IL20: variants seen among roughly 807,000 people sequenced by gnomAD.
IL20 encodes the protein interleukin-20.
Under a neutral mutation model 19.2 loss-of-function variants are expected in IL20, and 22 were observed. The ratio of observed to expected loss-of-function variants is 1.15; its 90% CI spans 0.82 to 1.64. IL20 has a LOEUF of 1.64. Ranked by LOEUF, IL20 falls within the 40% of genes most tolerant of loss-of-function variation. The pLI, the probability that IL20 is intolerant of heterozygous loss-of-function variation, is 0.00. For missense variants in IL20, 215 were observed against 212.8 expected (o/e 1.01, Z -0.06); for synonymous variants, 70 against 76.2 (o/e 0.92, Z 0.43).
chr1:206,867,511 CAT>C, intron 5 of IL20, 53 bp downstream of exon 5: 1 of 1,409,302 alleles, frequency 7.1e-7, no homozygotes, highest in Non-Finnish European at 1.0e-6. Context: ...GAACTGAGAT[CAT>C]AGGTAGGTGG....
intron 4 of IL20, among the ~76,000 whole-genome samples, 200 bp from the exon 5 acceptor site, chr1:206,867,182 CAT>C (rs1472302746): frequency 6.6e-6 from 1 of 152,032 alleles, no homozygotes; most frequent in East Asian, 1.9e-4. Flanking sequence ...TGATGAGTTC[CAT>C]GTTTGAGCCT....
chr1:206,866,535 A>G lies in IL20; in HGVS notation c.277A>G (p.Arg93Gly). Reference sequence around the variant, plus strand: ...CCATTTGCTAAGACTCTATCTGGACAGGGTATTTAAAAACTACCAGACCCC... The same window carrying G: ...CCATTTGCTAAGACTCTATCTGGACGGGGTATTTAAAAACTACCAGACCCC... The part of the protein sequence containing the change: ...LRHLLRLYLD[R>G]VFKNYQTPDH... Residue 93 changes from arginine to glycine, a missense_variant, in exon 4 of 6, where the codon AGG (arginine) becomes GGG (glycine). Transcript: ENST00000367098. 1 of 1,614,150 alleles carries G rather than the reference A, an allele frequency of 6.2e-7. No individual in the cohort carries two copies. Among genetic ancestry groups the G allele is most frequent in the Non-Finnish European group, 8.5e-7 (1 of 1,179,980 alleles).
At chr1:206,867,669 G>A (rs983234578) in intron 5 of IL20, among the ~76,000 whole-genome samples, 3 of 152,174 alleles carry the variant, frequency 2.0e-5, no homozygotes, top group Non-Finnish European at 4.4e-5. Context: ...GAAATGGAAA[G>A]GGAATGGCCA....
chr1:206,864,093 G>C (rs554665740), upstream of IL20, among the ~76,000 whole-genome samples: 2 of 152,010 alleles, frequency 1.3e-5, no homozygotes, highest in African/African-American at 2.4e-5. Flanking sequence ...TGAAATTTTC[G>C]TATTTCAGGA....
chr1:206,864,874 A>G (rs1558630790), upstream of IL20, among the ~76,000 whole-genome samples: 3 of 152,192 alleles, frequency 2.0e-5, no homozygotes, highest in Non-Finnish European at 4.4e-5. Context: ...ACCTAAAATG[A>G]GTGCCTCAAT....
chr1:206,868,388 T>C (rs1677619601), intron 5 of IL20, 99 bp from the exon 6 acceptor site: 7 of 619,460 alleles, frequency 1.1e-5, no homozygotes. Flanking sequence ...AAGAATGCTC[T>C]GCTTACAATT....
Position 206,868,503 on chromosome 1 carries a change from C to T in IL20, c.470C>T (p.Ala157Val), listed in dbSNP as rs768502970. 6.3e-7 allele frequency: 1 copy of T among 1,593,950 alleles called. No individual in the cohort carries two copies. The highest frequency in any genetic ancestry group is 8.5e-7 in the Non-Finnish European group (1 of 1,169,938). ...SHFEKLEPQAAVVKALGELDI... is the reference protein window; with the variant it reads ...SHFEKLEPQAVVVKALGELDI... ...CTCTTTCAGCTGGAACCTCAGGCAGCAGTTGTGAAGGCTTTGGGGGAACTA... is the reference window on the plus strand; with the variant it reads ...CTCTTTCAGCTGGAACCTCAGGCAGTAGTTGTGAAGGCTTTGGGGGAACTA... The change falls in exon 6 of 6, where the codon GCA becomes GTA. Residue 157 changes from alanine (A) to valine (V), a missense_variant. By Grantham distance (64) the Ala-to-Val change is moderately conservative. Coordinates refer to ENST00000367098, the MANE Select transcript of IL20 (RefSeq NM_018724.4).
At chr1:206,864,716 A>G (rs1208918128), upstream of IL20, among the ~76,000 whole-genome samples, 2 of 152,182 alleles carry the variant, frequency 1.3e-5, no homozygotes, top group Non-Finnish European at 2.9e-5. Context: ...TTTTGCTTCA[A>G]TATGGCTCAG....
chr1:206,868,523 G>T lies in IL20; in HGVS notation c.490G>T (p.Glu164Ter). Residue 164 changes from glutamate to a stop codon, truncating the protein, a stop_gained, in exon 6 of 6, where the codon GAA becomes TAA. Coordinates refer to ENST00000367098, the MANE Select transcript of IL20 (RefSeq NM_018724.4). LOFTEE classifies it high-confidence loss of function. ...PQAAVVKALG[E>*]LDILLQWMEE... ...GGCAGCAGTTGTGAAGGCTTTGGGG[G>T]AACTAGACATTCTTCTGCAATGGAT... is the stretch of plus-strand genomic sequence containing the variant. 6.2e-7 allele frequency: 1 copy of T among 1,603,542 alleles called. No homozygotes were observed. The highest frequency in any genetic ancestry group is 1.3e-5 in the African/African-American group (1 of 74,378).
At chr1:206,866,168 A>C in intron 2 of IL20, 131 bp from the exon 3 acceptor site, 1 of 1,167,586 alleles carries the variant, frequency 8.6e-7, no homozygotes, top group Middle Eastern at 2.1e-4. Flanking sequence ...TGTAGTTCAA[A>C]TATTTAAAAT....
rs780013941 is a variant in IL20, at chr1:206,867,407, T to G, written c.402T>G (p.Cys134Trp). ...RLCHAHMTCHCGEEAMKKYSQ... is the reference protein window; with the variant it reads ...RLCHAHMTCHWGEEAMKKYSQ... The stretch of plus-strand genomic sequence containing the variant: ...AGCATGCCCACATGACATGCCATTG[T>G]GGGGAGGAAGCAATGAAGAAATACA... Residue 134 changes from cysteine (C) to tryptophan (W), a missense_variant, in exon 5 of 6, where the codon TGT becomes TGG. Coordinates refer to ENST00000367098, the MANE Select transcript of IL20 (RefSeq NM_018724.4). 6.2e-7 allele frequency: 1 copy of G among 1,613,794 alleles called. No individual in the cohort carries two copies. The highest frequency in any genetic ancestry group is 1.7e-5 in the Admixed American group (1 of 60,016).
chr1:206,866,022 G>C lies in IL20; in HGVS notation c.159+11G>C, dbSNP rs1479669961. On this transcript the variant is annotated intron_variant, in intron 2 of 5. Transcript: ENST00000367098. ...ATACGGGGCAGTGTGGTACGTAAGC[G>C]GGTATCTACCTCTCCTGAAAGCCTT... The C allele has an allele frequency of 5.0e-6, 8 of 1,612,068 alleles. No individual in the cohort carries two copies. In the East Asian group the frequency reaches 1.1e-4, roughly 22 times the overall value.
In IL20 at chr1:206,868,627, A is replaced by C; in HGVS notation, c.*63A>C. Reference sequence around the variant, plus strand: ...AAGAGCTCCAGTCTTCAATACCTGCAGAGGAGGCATGACCCCAAACCACCA... The same window carrying C: ...AAGAGCTCCAGTCTTCAATACCTGCCGAGGAGGCATGACCCCAAACCACCA... On this transcript the variant is annotated 3_prime_UTR_variant, in exon 6 of 6. Coordinates refer to ENST00000367098, the MANE Select transcript of IL20 (RefSeq NM_018724.4). The C allele has an allele frequency of 7.9e-7, 1 of 1,269,972 alleles. No homozygotes were observed. Among genetic ancestry groups the C allele is most frequent in the Non-Finnish European group, 1.1e-6 (1 of 918,076 alleles). The allele number at this position is 1,269,972 out of a possible 1,614,324, so 78.7% of individuals were successfully genotyped here. A position where few individuals can be genotyped will look rare whatever the true frequency, so the allele number is the denominator to read the frequency against.
upstream of IL20, chr1:206,865,594 A>G (rs866726845): frequency 1.8e-5 from 23 of 1,274,908 alleles, no homozygotes; most frequent in Middle Eastern, 3.4e-3. The surrounding 1 kb of genome is among the most constrained non-coding windows in gnomAD (Gnocchi z 4.1). Flanking sequence ...GGGACAGAAT[A>G]AAGGAGCCAC....
At chr1:206,866,415 TC>T (rs1677546518) in intron 3 of IL20, 51 bp downstream of exon 3, 1 of 1,612,272 alleles carries the variant, frequency 6.2e-7, no homozygotes, top group Admixed American at 1.7e-5. Flanking sequence ...AGTGGGAGCA[TC>T]TCCATCACCC....
rs377124564 is a variant in IL20 at position 206,868,620 on chromosome 1, T to C, written c.*56T>C. On this transcript the variant is annotated 3_prime_UTR_variant, in exon 6 of 6. Transcript: ENST00000367098. The stretch of plus-strand genomic sequence containing the variant: ...CGAGGTCAAGAGCTCCAGTCTTCAA[T>C]ACCTGCAGAGGAGGCATGACCCCAA... 4 of 1,351,284 alleles carry C rather than the reference T, an allele frequency of 3.0e-6. No homozygotes were observed. Among genetic ancestry groups the C allele is most frequent in the East Asian group, 2.5e-5 (1 of 39,288 alleles). 83.7% of individuals were successfully genotyped at this position (1,351,284 alleles called of 1,614,324 possible).
intron 5 of IL20, among the ~76,000 whole-genome samples, chr1:206,868,190 G>A (rs541672176): frequency 1.3e-5 from 2 of 149,670 alleles, no homozygotes; most frequent in South Asian, 2.1e-4. Context: ...ACACACACAC[G>A]TTTCTTAAAG....
rs371312456 is a variant in IL20, at chr1:206,866,508, C to A, written c.250C>A (p.Arg84Ser). 4.1e-5 allele frequency: 66 copies of A among 1,614,134 alleles called. 1 individual carries two copies. The East Asian group carries it at 1.2e-3, about 29-fold the overall frequency. The change falls in exon 4 of 6, where the codon CGC becomes AGC. Residue 84 changes from arginine (R) to serine (S), a missense_variant. Transcript: ENST00000367098. ...TKPANRCCLL[R>S]HLLRLYLDRV... ...GCCTGCGAATCGATGCTGCCTCCTG[C>A]GCCATTTGCTAAGACTCTATCTGGA...
chr1:206,867,459 G>T lies in IL20; in HGVS notation c.453+1G>T, dbSNP rs1677587319. The T allele has an allele frequency of 1.2e-6, 2 of 1,612,586 alleles. No individual in the cohort carries two copies. The highest frequency in any genetic ancestry group is 1.3e-5 in the African/African-American group (1 of 74,942). On this transcript the variant is annotated splice_donor_variant, in intron 5 of 5. Transcript: ENST00000367098. LOFTEE classifies it high-confidence loss of function. ...CCAGATTCTGAGTCACTTTGAAAAG[G>T]TATATGCGACTTTGGCATTGATTGG...
Sources: allele counts gnomAD v4.1 joint callset (sites outside exome capture counted in the v4.1 genomes callset), GRCh38; gene constraint gnomAD v4.1.1; non-coding constraint Gnocchi (gnomAD v3.1); transcripts MANE v1.5; gene names NCBI Gene and HGNC (gene_info 2026-07-23, HGNC 2026-07-21).